The following CAPZB variants were observed in gnomAD, a reference collection of about 807,000 sequenced individuals.
CAPZB encodes the protein F-actin-capping protein subunit beta.
In CAPZB, 2 loss-of-function variants were observed where a neutral mutation model predicts 38.1. That is an observed-to-expected ratio of 0.05 (90% CI 0.02 to 0.17). The LOEUF is 0.17. Ranked by LOEUF, CAPZB falls within the 10% of genes least tolerant of loss-of-function variation. The pLI, the probability that CAPZB is intolerant of heterozygous loss-of-function variation, is 1.00. For missense variants in CAPZB, 161 were observed against 334.2 expected (o/e 0.48, Z 4.04); for synonymous variants, 107 against 127.4 (o/e 0.84, Z 1.08).
At chr1:19,352,984 A>G (rs2094000067) in intron 6 of CAPZB, among the ~76,000 whole-genome samples, 1 of 152,236 alleles carries the variant, frequency 6.6e-6, no homozygotes, top group Non-Finnish European at 1.5e-5. Context: ...TGATGTGCCC[A>G]CGGAAGGGAC....
chr1:19,432,228 G>A (rs2094444756), intron 1 of CAPZB, among the ~76,000 whole-genome samples: 1 of 151,616 alleles, frequency 6.6e-6, no homozygotes, highest in African/African-American at 2.4e-5. Flanking sequence ...AGATCATTGA[G>A]GCCAGGAGTT....
At chr1:19,375,370 G>A (rs906780525) in intron 4 of CAPZB, among the ~76,000 whole-genome samples, 2 of 152,164 alleles carry the variant, frequency 1.3e-5, no homozygotes, top group South Asian at 2.1e-4. Flanking sequence ...TCCAACTGCT[G>A]TCCCTTTGGT....
Position 19,390,652 on chromosome 1 carries a change from G to C in CAPZB, c.94-5026C>G, listed in dbSNP as rs191765049. Among the ~76,000 whole-genome samples the C allele has an allele frequency of 2.3e-3, 343 of 152,298 alleles. 2 individuals carry two copies. Among genetic ancestry groups the C allele is most frequent in the Non-Finnish European group, 3.0e-3 (203 of 68,020 alleles). ...TCCTTCACCACCGATACTTTTGCCG[G>C]GCTCGGTGGTACCCAGGAGGCCACT... On this transcript the variant is annotated intron_variant, in intron 2 of 8. Transcript: ENST00000264202.
intron 4 of CAPZB, among the ~76,000 whole-genome samples, chr1:19,361,471 C>T (rs1037681108): frequency 6.6e-6 from 1 of 152,256 alleles, no homozygotes; most frequent in African/African-American, 2.4e-5. Context: ...TTCAGAATTG[C>T]CCAGAAGCAC....
intron 2 of CAPZB, among the ~76,000 whole-genome samples, chr1:19,410,676 C>G (rs1362042165): frequency 6.6e-6 from 1 of 152,232 alleles, no homozygotes; most frequent in Non-Finnish European, 1.5e-5. Flanking sequence ...GTCCTTTTCC[C>G]TTAGGTACTT....
intron 1 of CAPZB, among the ~76,000 whole-genome samples, chr1:19,461,101 G>T (rs1257460695): frequency 3.3e-5 from 5 of 151,352 alleles, no homozygotes; most frequent in African/African-American, 9.7e-5. Flanking sequence ...GGGGGCGGGG[G>T]GGGGAGGGGC....
At chr1:19,392,622 C>A (rs987690599) in intron 2 of CAPZB, among the ~76,000 whole-genome samples, 7 of 150,860 alleles carry the variant, frequency 4.6e-5, no homozygotes, top group Non-Finnish European at 1.0e-4. Context: ...TCCGTCCCTA[C>A]TAAAATAATA....
At chr1:19,430,530 G>C (rs2094438535) in intron 1 of CAPZB, among the ~76,000 whole-genome samples, 1 of 152,226 alleles carries the variant, frequency 6.6e-6, no homozygotes, top group Non-Finnish European at 1.5e-5. Context: ...TAGCCATCCA[G>C]AGTGCCAGAG....
rs59789230 is a variant in CAPZB, at chr1:19,416,860, C to CAAAAAAA, written c.93+2794_93+2800dup. Among the ~76,000 whole-genome samples the CAAAAAAA allele has an allele frequency of 6.8e-3, 473 of 69,362 alleles. 52 individuals carry two copies. Among genetic ancestry groups the CAAAAAAA allele is most frequent in the Middle Eastern group, 0.017 (2 of 118 alleles). 45.5% of individuals were successfully genotyped at this position (69,362 alleles called of 152,430 possible). On this transcript the variant is annotated intron_variant, in intron 2 of 8. Coordinates refer to ENST00000264202, the MANE Select transcript of CAPZB (RefSeq NM_004930.5). Reference sequence around the variant, plus strand: ...TGGGTGACAGAGCAAGACCCTGTCTCAAAAAAAAAAAAAAAAAAAAAAAAA... The same window carrying CAAAAAAA: ...TGGGTGACAGAGCAAGACCCTGTCTCAAAAAAAAAAAAAAAAAAAAAAAAAAAAAAAA...
intron 1 of CAPZB, among the ~76,000 whole-genome samples, chr1:19,467,221 C>G (rs2094571943): frequency 6.6e-6 from 1 of 152,126 alleles, no homozygotes; most frequent in South Asian, 2.1e-4. Context: ...TAAGGAAAGC[C>G]TCAAATAAAT....
Position 19,478,494 on chromosome 1 carries a change from C to T in CAPZB, c.3+6942G>A, listed in dbSNP as rs140946349. On this transcript the variant is annotated intron_variant, in intron 1 of 8. Coordinates refer to ENST00000264202, the MANE Select transcript of CAPZB (RefSeq NM_004930.5). ...TGACGACACAACTGAAAACCTAACA[C>T]TAGAAAGTTGTAGGCAAAGGCTCCT... is the stretch of plus-strand genomic sequence containing the variant. 1.8e-3 allele frequency among the ~76,000 whole-genome samples: 275 copies of T among 152,300 alleles called. 4 individuals carry two copies. Among genetic ancestry groups the T allele is most frequent in the African/African-American group, 6.3e-3 (262 of 41,564 alleles).
At position 19,339,519 on chromosome 1, in the gene CAPZB, G is replaced by GA. The variant is rs1558163212; in HGVS notation, c.*10dup. On this transcript the variant is annotated 3_prime_UTR_variant, in exon 9 of 9. Coordinates refer to ENST00000264202, the MANE Select transcript of CAPZB (RefSeq NM_004930.5). ...AGTGCACGGCGTGTCTGGTTAGCAT[G>GA]AAACAGAGGTTTAGCATTGCTGCTT... is the stretch of plus-strand genomic sequence containing the variant. 1.9e-6 allele frequency: 3 copies of GA among 1,599,996 alleles called. No individual in the cohort carries two copies. The highest frequency in any genetic ancestry group is 2.6e-6 in the Non-Finnish European group (3 of 1,167,068).
At chr1:19,480,353 G>A (rs975301740) in intron 1 of CAPZB, among the ~76,000 whole-genome samples, 3 of 152,100 alleles carry the variant, frequency 2.0e-5, no homozygotes, top group African/African-American at 4.8e-5. Context: ...CTCATGCGAC[G>A]GAACAGGAAA....
chr1:19,342,674 A>C (rs2093936816), intron 8 of CAPZB: 2 of 879,878 alleles, frequency 2.3e-6, no homozygotes, highest in African/African-American at 1.6e-5. Flanking sequence ...GCGGAGCAGC[A>C]GCCGGACCGG....
chr1:19,342,724 A>G (rs777088276), intron 8 of CAPZB: 1 of 1,395,870 alleles, frequency 7.2e-7, no homozygotes, highest in Non-Finnish European at 1.0e-6. Flanking sequence ...TTTAGTGGGG[A>G]GGGTCTCGCG....
intron 1 of CAPZB, among the ~76,000 whole-genome samples, chr1:19,454,697 G>T (rs1390444304): frequency 1.3e-5 from 2 of 152,276 alleles, no homozygotes; most frequent in Non-Finnish European, 1.5e-5. Flanking sequence ...AATGCCAAAG[G>T]CTTCACTAAC....
chr1:19,379,992 G>A (rs2094165357), intron 3 of CAPZB, among the ~76,000 whole-genome samples: 1 of 152,018 alleles, frequency 6.6e-6, no homozygotes, highest in South Asian at 2.1e-4. Context: ...ATTGTGATGT[G>A]GAATGCATGT....
intron 1 of CAPZB, among the ~76,000 whole-genome samples, chr1:19,440,352 T>C (rs1452421284): frequency 6.6e-6 from 1 of 152,178 alleles, no homozygotes; most frequent in African/African-American, 2.4e-5. Flanking sequence ...AATACACCTT[T>C]GTAATGAATA....
rs1280105542 is a variant in CAPZB, at chr1:19,471,019, T to C, written c.3+14417A>G. On this transcript the variant is annotated intron_variant, in intron 1 of 8. Transcript: ENST00000264202. The stretch of plus-strand genomic sequence containing the variant: ...GATACCTTCCAAGACCCCCAGTGGA[T>C]GCCTGAAACCTTGGATAGTACCAAA... Among the ~76,000 whole-genome samples the C allele has an allele frequency of 2.6e-5, 4 of 152,218 alleles. No homozygotes were observed. The East Asian group carries it at 7.7e-4, about 29-fold the overall frequency.
Sources: allele counts gnomAD v4.1 joint callset (sites outside exome capture counted in the v4.1 genomes callset), GRCh38; gene constraint gnomAD v4.1.1; transcripts MANE v1.5; gene names NCBI Gene and HGNC (gene_info 2026-07-23, HGNC 2026-07-21).